Variants in ICE1 observed in about 807,000 individuals in gnomAD.
ICE1 encodes little elongation complex subunit 1.
Under a neutral mutation model 192.7 loss-of-function variants are expected in ICE1, and 64 were observed. The ratio of observed to expected loss-of-function variants is 0.33; its 90% CI spans 0.27 to 0.41. ICE1 has a LOEUF of 0.41. Among genes scored for constraint, ICE1 ranks in the 10% least tolerant of loss-of-function variants. The pLI, the probability that ICE1 is intolerant of heterozygous loss-of-function variation, is 1.00. For missense variants in ICE1, 2,708 were observed against 2,696.0 expected, an observed-to-expected ratio of 1.00 and a Z score of -0.10; for synonymous variants, 1,010 against 984.5, an observed-to-expected ratio of 1.03 and a Z score of -0.49.
At position 5,489,821 on chromosome 5, in the gene ICE1, C is replaced by T. The variant is rs1739743309; in HGVS notation, c.*491C>T. On this transcript the variant is annotated 3_prime_UTR_variant, in exon 19 of 19. Coordinates refer to ENST00000296564, the MANE Select transcript of ICE1 (RefSeq NM_015325.3). ...GGAAATGAGTTGCAAAAGTTTTTCTCAAGATGTAGTGCGTAATTGATCAGA... is the reference window on the plus strand; with the variant it reads ...GGAAATGAGTTGCAAAAGTTTTTCTTAAGATGTAGTGCGTAATTGATCAGA... The T allele has an allele frequency of 6.6e-6, 1 of 152,544 alleles. No individual in the cohort carries two copies. Among genetic ancestry groups the T allele is most frequent in the South Asian group, 2.1e-4 (1 of 4,828 alleles). The allele number at this position is 152,544 out of a possible 1,614,324, so 9.4% of individuals were successfully genotyped here. A position where few individuals can be genotyped will look rare whatever the true frequency, so the allele number is the denominator to read the frequency against.
At chr5:5,434,103 A>G (rs920041164) in intron 1 of ICE1, among the ~76,000 whole-genome samples, 5 of 152,232 alleles carry the variant, frequency 3.3e-5, no homozygotes, top group African/African-American at 9.6e-5. Flanking sequence ...AGAAAAATAC[A>G]TATTCAAACT....
rs1381034613 is a variant in ICE1, at chr5:5,464,307, G to A, written c.4973G>A (p.Ser1658Asn). 1.1e-5 allele frequency: 17 copies of A among 1,613,446 alleles called. No individual in the cohort carries two copies. Among genetic ancestry groups the A allele is most frequent in the Non-Finnish European group, 1.4e-5 (17 of 1,179,806 alleles). Residue 1658 changes from serine (S) to asparagine (N), a missense_variant, in exon 13 of 19, where the codon AGT (serine) becomes AAT (asparagine). By Grantham distance (46) the Ser-to-Asn change is conservative (BLOSUM62 1). Coordinates refer to ENST00000296564, the MANE Select transcript of ICE1 (RefSeq NM_015325.3). The surrounding 1 kb of genome is among the most constrained non-coding windows in gnomAD (Gnocchi z 4.0). ...QPLSPLISSS[S>N]PSSPASPVGQ... The stretch of plus-strand genomic sequence containing the variant: ...CTGTCTCCACTGATATCGAGTTCTA[G>A]TCCTTCCTCACCAGCCTCTCCTGTT...
intron 1 of ICE1, among the ~76,000 whole-genome samples, chr5:5,435,656 TG>T (rs1737846212): frequency 6.9e-6 from 1 of 145,818 alleles, no homozygotes; most frequent in South Asian, 2.2e-4. Context: ...GCCAAATTTG[TG>T]TTTTTTTTTT....
intron 1 of ICE1, among the ~76,000 whole-genome samples, chr5:5,423,312 A>AGACT (rs1343355033): frequency 6.6e-6 from 1 of 152,120 alleles, no homozygotes; most frequent in Non-Finnish European, 1.5e-5. Flanking sequence ...TCCCTAGGGC[A>AGACT]GACTCCGTAG....
intron 11 of ICE1, among the ~76,000 whole-genome samples, chr5:5,456,824 C>T (rs999836284): frequency 3.9e-5 from 6 of 152,178 alleles, no homozygotes; most frequent in African/African-American, 1.4e-4. Context: ...TTTTCTGTTG[C>T]ATTATCATAC....
intron 14 of ICE1, 106 bp downstream of exon 14, chr5:5,466,608 A>G (rs1191618605): frequency 1.0e-5 from 10 of 992,528 alleles, no homozygotes; most frequent in African/African-American, 6.6e-5. Flanking sequence ...CTTTTAAAAT[A>G]ATGTTATGTT....
intron 1 of ICE1, 93 bp from the exon 2 acceptor site, chr5:5,436,325 T>TTGTCTG: frequency 1.3e-6 from 1 of 766,324 alleles, no homozygotes; most frequent in African/African-American, 1.9e-5. Context: ...TATATAATTA[T>TTGTCTG]TAAAATTCTT....
chr5:5,479,232 G>C (rs1739427318), intron 17 of ICE1, among the ~76,000 whole-genome samples: 1 of 152,026 alleles, frequency 6.6e-6, no homozygotes, highest in African/African-American at 2.4e-5. Context: ...AATCTACAAG[G>C]AATGTAAACA....
At chr5:5,449,542 A>G (rs1288317626) in intron 10 of ICE1, among the ~76,000 whole-genome samples, 1 of 152,154 alleles carries the variant, frequency 6.6e-6, no homozygotes, top group Non-Finnish European at 1.5e-5. Flanking sequence ...GAAGATGCAC[A>G]GCAGATAGTA....
At chr5:5,460,037 G>C (rs768714699) in intron 12 of ICE1, among the ~76,000 whole-genome samples, 1 of 152,210 alleles carries the variant, frequency 6.6e-6, no homozygotes, top group Non-Finnish European at 1.5e-5. Flanking sequence ...ACACACCAGA[G>C]AGAGAGGAAA....
intron 1 of ICE1, among the ~76,000 whole-genome samples, chr5:5,432,244 G>T (rs1158537747): frequency 6.6e-6 from 1 of 152,062 alleles, no homozygotes; most frequent in Non-Finnish European, 1.5e-5. Flanking sequence ...ATTACTTTTG[G>T]CTCTGTTAAG....
intron 15 of ICE1, among the ~76,000 whole-genome samples, chr5:5,469,816 A>G (rs75138571): frequency 5.3e-5 from 8 of 152,306 alleles, no homozygotes; most frequent in Admixed American, 4.6e-4. Context: ...TGATCTCTTC[A>G]TCAATCTATC....
At chr5:5,487,674 C>T (rs1213990137) in intron 18 of ICE1, among the ~76,000 whole-genome samples, 1 of 152,126 alleles carries the variant, frequency 6.6e-6, no homozygotes, top group African/African-American at 2.4e-5. Context: ...TGTATATTGA[C>T]ATAAAAGAAA....
At chr5:5,424,360 G>A (rs1040751663) in intron 1 of ICE1, among the ~76,000 whole-genome samples, 2 of 152,066 alleles carry the variant, frequency 1.3e-5, no homozygotes, top group African/African-American at 4.8e-5. Context: ...CATTGTGTAG[G>A]TATCTTATAA....
intron 10 of ICE1, among the ~76,000 whole-genome samples, chr5:5,453,139 A>G (rs1235286961): frequency 6.6e-6 from 1 of 151,892 alleles, no homozygotes; most frequent in African/African-American, 2.4e-5. Flanking sequence ...TGCTTTGGGT[A>G]TACGTAATAA....
Position 5,461,616 on chromosome 5 carries a change from T to C in ICE1, c.2282T>C (p.Leu761Pro). ...GAAAGTCAAGATCCAAGAATTGAGC[T>C]CACACTAAATAAGCCAGATTTCACA... ...QCESQDPRIE[L>P]TLNKPDFTSL... is the part of the protein sequence containing the mutation. Residue 761 changes from leucine to proline, a missense_variant, in exon 13 of 19, where the codon CTC becomes CCC. By Grantham distance (98) the Leu-to-Pro change is moderately conservative. Transcript: ENST00000296564. 6.2e-7 allele frequency: 1 copy of C among 1,613,474 alleles called. No individual in the cohort carries two copies. Among genetic ancestry groups the C allele is most frequent in the Non-Finnish European group, 8.5e-7 (1 of 1,179,684 alleles).
chr5:5,446,678 G>A (rs940538506), intron 7 of ICE1, among the ~76,000 whole-genome samples: 3 of 152,124 alleles, frequency 2.0e-5, no homozygotes, highest in African/African-American at 4.8e-5. Context: ...TATTTTTCGT[G>A]TATAAAAAGT....
rs767933627 is a variant in ICE1, at chr5:5,462,859, T to G, written c.3525T>G (p.Val1175=). 5 of 1,609,306 alleles carry G rather than the reference T, an allele frequency of 3.1e-6. No homozygotes were observed. In the East Asian group the frequency reaches 1.1e-4, roughly 36 times the overall value. The change falls in exon 13 of 19, where the codon GTT becomes GTG. Residue 1175 remains valine (V), a synonymous_variant. Transcript: ENST00000296564. ...SELDRLSTSE[V]VMFLESCQLG... is the part of the protein sequence containing the mutation. ...TGGATAGACTTTCCACATCAGAGGT[T>G]GTGATGTTTCTTGAGAGCTGTCAGT...
At chr5:5,447,698 C>T (rs1554013991) in intron 8 of ICE1, 23 bp from the exon 9 acceptor site, 20 of 1,554,126 alleles carry the variant, frequency 1.3e-5, no homozygotes, top group Middle Eastern at 1.7e-4. Flanking sequence ...AGCATAAACA[C>T]TATTAATATT....
Sources: allele counts gnomAD v4.1 joint callset (sites outside exome capture counted in the v4.1 genomes callset), GRCh38; gene constraint gnomAD v4.1.1; non-coding constraint Gnocchi (gnomAD v3.1); transcripts MANE v1.5; gene names NCBI Gene and HGNC (gene_info 2026-07-23, HGNC 2026-07-21).